CTNNA1: variants seen among roughly 807,000 people sequenced by gnomAD.
CTNNA1 encodes catenin alpha-1.
Under a neutral mutation model 98.4 loss-of-function variants are expected in CTNNA1, and 37 were observed. The observed-to-expected ratio is 0.38, with a 90% CI of 0.29 to 0.49. The LOEUF (loss-of-function observed/expected upper bound fraction) is 0.49, where lower values mean the gene tolerates loss of function less well. Among genes scored for constraint, CTNNA1 ranks in the 20% least tolerant of loss-of-function variants. CTNNA1 has a pLI of 0.95. For synonymous variants in CTNNA1, 404 were observed against 413.2 expected (o/e 0.98, Z 0.27); for missense variants, 761 against 1,147.2 (o/e 0.66, Z 4.86).
chr5:138,933,483 TG>T (rs986098337), intron 17 of CTNNA1, among the ~76,000 whole-genome samples: 1 of 152,242 alleles, frequency 6.6e-6, no homozygotes, highest in Non-Finnish European at 1.5e-5. Context: ...CTCCCCCACG[TG>T]CTTACAGCTC....
rs1760971115 is a variant in CTNNA1 at position 138,912,977 on chromosome 5, G to C, written c.1390-4765G>C. 4.0e-5 allele frequency among the ~76,000 whole-genome samples: 6 copies of C among 151,624 alleles called. No homozygotes were observed. The South Asian group carries it at 1.2e-3, about 32-fold the overall frequency. ...GGTTGACGTCTCCCATTGTTATTTT[G>C]AAATAGAGTTTTCTAAGACATAAAT... On this transcript the variant is annotated intron_variant, in intron 10 of 17. Coordinates refer to ENST00000302763, the MANE Select transcript of CTNNA1 (RefSeq NM_001903.5).
chr5:138,917,607 G>A, intron 10 of CTNNA1, 135 bp from the exon 11 acceptor site: 2 of 857,314 alleles, frequency 2.3e-6, no homozygotes, highest in Non-Finnish European at 3.5e-6. Flanking sequence ...AAAACTTACT[G>A]TTTTACACTC....
At chr5:138,910,311 T>C (rs1760331273) in intron 10 of CTNNA1, among the ~76,000 whole-genome samples, 1 of 142,960 alleles carries the variant, frequency 7.0e-6, no homozygotes, top group Non-Finnish European at 1.5e-5. Context: ...AATTTACCAG[T>C]GAAGCCTGGT....
chr5:138,883,219 AG>A (rs1446216684), intron 7 of CTNNA1, among the ~76,000 whole-genome samples: 1 of 152,172 alleles, frequency 6.6e-6, no homozygotes, highest in East Asian at 1.9e-4. Flanking sequence ...CTCAGTGTTA[AG>A]GTTGTGAGTG....
chr5:138,930,008 C>T (rs1039064956), intron 14 of CTNNA1, among the ~76,000 whole-genome samples: 1 of 152,172 alleles, frequency 6.6e-6, no homozygotes, highest in African/African-American at 2.4e-5. Flanking sequence ...AGGTGTTGCT[C>T]AAGTATGGCC....
At chr5:138,835,207 G>GCCTGGA (rs1761665950) in intron 7 of CTNNA1, among the ~76,000 whole-genome samples, 2 of 152,316 alleles carry the variant, frequency 1.3e-5, no homozygotes, top group African/African-American at 4.8e-5. Context: ...CCATCTGGAT[G>GCCTGGA]TATACATGCA....
intron 7 of CTNNA1, among the ~76,000 whole-genome samples, chr5:138,845,818 G>A (rs1170076220): frequency 6.6e-6 from 1 of 151,832 alleles, no homozygotes; most frequent in Non-Finnish European, 1.5e-5. Context: ...CCATGTCCTG[G>A]GTACTTGATT....
chr5:138,766,499 G>A (rs1752959880), intron 1 of CTNNA1, among the ~76,000 whole-genome samples: 1 of 150,678 alleles, frequency 6.6e-6, no homozygotes. Context: ...ATGATAACTG[G>A]GGCTCCCTGG....
chr5:138,761,055 C>T (rs534319917), intron 1 of CTNNA1, among the ~76,000 whole-genome samples: 2 of 152,314 alleles, frequency 1.3e-5, no homozygotes, highest in South Asian at 4.1e-4. Flanking sequence ...TCTGCCTTGT[C>T]AACTGTAGTC....
In CTNNA1 at chr5:138,935,005, C is replaced by G. The variant is rs1342573797; in HGVS notation, c.*916C>G. 6.6e-6 allele frequency: 1 copy of G among 152,172 alleles called. No individual in the cohort carries two copies. Among genetic ancestry groups the G allele is most frequent in the Non-Finnish European group, 1.5e-5 (1 of 68,036 alleles). 9.4% of individuals were successfully genotyped at this position (152,172 alleles called of 1,614,324 possible). Reference sequence around the variant, plus strand: ...ATGTTTTTTACACTAACTAACTTTTCCCAATAAAGTCCACTATGAAACCAC... The same window carrying G: ...ATGTTTTTTACACTAACTAACTTTTGCCAATAAAGTCCACTATGAAACCAC... On this transcript the variant is annotated 3_prime_UTR_variant, in exon 18 of 18. Transcript: ENST00000302763.
Position 138,916,464 on chromosome 5 carries a change from G to A in CTNNA1, c.1390-1278G>A, listed in dbSNP as rs369756583. Among the ~76,000 whole-genome samples the A allele has an allele frequency of 2.0e-5, 3 of 150,728 alleles. No individual in the cohort carries two copies. In the East Asian group the frequency reaches 5.8e-4, roughly 29 times the overall value. ...GCTGGTCTCGAACTCCTGGGCTCAA[G>A]CAGTCCTCCTGCCTCAGCCTCCCAA... On this transcript the variant is annotated intron_variant, in intron 10 of 17. Transcript: ENST00000302763.
chr5:138,783,271 A>G lies in CTNNA1; in HGVS notation c.200A>G (p.Gln67Arg). The G allele has an allele frequency of 1.2e-6, 2 of 1,614,160 alleles. No homozygotes were observed. Among genetic ancestry groups the G allele is most frequent in the South Asian group, 2.2e-5 (2 of 91,080 alleles). ...CATGTTTTGGCTGCATCTGTTGAAC[A>G]AGCAACTGAGAATTTCTTGGAGAAG... ...KAHVLAASVE[Q>R]ATENFLEKGD... The change falls in exon 3 of 18, where the codon CAA becomes CGA. Residue 67 changes from glutamine (Q) to arginine (R), a missense_variant. Physicochemically the swap from Gln to Arg is conservative, Grantham distance 43. Transcript: ENST00000302763.
chr5:138,882,976 A>G (rs1030700534), intron 7 of CTNNA1, among the ~76,000 whole-genome samples: 1 of 152,072 alleles, frequency 6.6e-6, no homozygotes, highest in Admixed American at 6.5e-5. Flanking sequence ...TTACAGGCAC[A>G]TGCCACCACG....
chr5:138,780,739 C>T lies in CTNNA1; in HGVS notation c.-2-1184C>T, dbSNP rs186221723. 5.7e-4 allele frequency among the ~76,000 whole-genome samples: 87 copies of T among 151,538 alleles called. 1 individual carries two copies. Among genetic ancestry groups the T allele is most frequent in the African/African-American group, 2.0e-3 (84 of 41,284 alleles). On this transcript the variant is annotated intron_variant, in intron 1 of 17. Coordinates refer to ENST00000302763, the MANE Select transcript of CTNNA1 (RefSeq NM_001903.5). ...CCTTGTTGGTCAGGCTGGTGTCGAA[C>T]TCCCGACCTCAGGTGATCTGCCCGC...
intron 10 of CTNNA1, among the ~76,000 whole-genome samples, chr5:138,906,952 G>A (rs1759388760): frequency 6.6e-6 from 1 of 152,132 alleles, no homozygotes; most frequent in Admixed American, 6.5e-5. Context: ...TTTCAGTAAG[G>A]CAGCTTTGAC....
intron 3 of CTNNA1, among the ~76,000 whole-genome samples, chr5:138,797,352 T>C (rs761581723): frequency 1.3e-5 from 2 of 152,242 alleles, no homozygotes; most frequent in Non-Finnish European, 2.9e-5. Context: ...TTGGTTGTAG[T>C]GTTTACCATC....
chr5:138,779,229 G>T (rs1349709500), intron 1 of CTNNA1, among the ~76,000 whole-genome samples: 1 of 152,042 alleles, frequency 6.6e-6, no homozygotes, highest in Non-Finnish European at 1.5e-5. Context: ...GGCTGGATCA[G>T]TTTTTACCAG....
Position 138,887,624 on chromosome 5 carries a change from T to C in CTNNA1, c.1278T>C (p.His426=), listed in dbSNP as rs1754359922. The change falls in exon 9 of 18, where the codon CAT becomes CAC. Residue 426 remains histidine, a synonymous_variant. Transcript: ENST00000302763. The part of the protein sequence containing the change: ...VKEYAQVFRE[H]ANKLIEVANL... ...AGTATGCCCAAGTTTTCCGTGAACA[T>C]GCCAACAAATTGATTGAGGTAAGTG... 1 of 1,610,318 alleles carries C rather than the reference T, an allele frequency of 6.2e-7. No homozygotes were observed. Among genetic ancestry groups the C allele is most frequent in the Non-Finnish European group, 8.5e-7 (1 of 1,178,934 alleles).
chr5:138,756,860 T>C (rs1242414990), intron 1 of CTNNA1, among the ~76,000 whole-genome samples: 1 of 151,892 alleles, frequency 6.6e-6, no homozygotes, highest in African/African-American at 2.4e-5. Flanking sequence ...TACGAGGTGG[T>C]AGGGATGAAG....
Sources: gnomAD v4.1 joint callset for allele counts (sites outside exome capture counted in the v4.1 genomes callset) on GRCh38, gnomAD v4.1.1 for gene constraint, MANE v1.5 for transcripts, NCBI Gene and HGNC (gene_info 2026-07-23, HGNC 2026-07-21) for gene names.